Variants in KIFC3 observed in about 807,000 individuals in gnomAD.
KIFC3 encodes kinesin family member C3.
Under a neutral mutation model 101.8 loss-of-function variants are expected in KIFC3, and 60 were observed. That is an observed-to-expected ratio of 0.59 (90% confidence interval 0.48 to 0.73). The LOEUF (loss-of-function observed/expected upper bound fraction) is 0.73. Ranked by LOEUF, KIFC3 falls within the 30% of genes least tolerant of loss-of-function variation. The pLI is 0.00. For missense variants in KIFC3, 966 were observed against 1,137.1 expected (o/e 0.85, Z 2.16); for synonymous variants, 476 against 482.7 (o/e 0.99, Z 0.18).
At chr16:57,802,944 C>CACAA (rs1555626073), upstream of KIFC3, 1 of 1,532,994 alleles carries the variant, frequency 6.5e-7, no homozygotes, top group East Asian at 2.4e-5. This position sits in a 1 kb window ranked among gnomAD's most constrained non-coding sequence, Gnocchi z 5.0. Context: ...CCAACACACA[C>CACAA]ACAAGCTCTT....
At chr16:57,857,151 C>T (rs978017405) in intron 1 of KIFC3, among the ~76,000 whole-genome samples, 6 of 152,178 alleles carry the variant, frequency 3.9e-5, no homozygotes, top group African/African-American at 1.4e-4. Context: ...CCCACTCTCC[C>T]TGTGTGCTGT....
At chr16:57,772,159 C>T in intron 4 of KIFC3, 64 bp downstream of exon 4, 1 of 1,427,706 alleles carries the variant, frequency 7.0e-7, no homozygotes, top group South Asian at 1.2e-5. Context: ...CTGCCCCTGG[C>T]AGGGCCCATC....
chr16:57,847,266 GGAA>G (rs2055948583), intron 1 of KIFC3, among the ~76,000 whole-genome samples: 1 of 72,374 alleles, frequency 1.4e-5, no homozygotes, highest in African/African-American at 8.5e-5. Context: ...AAGGAAGGAA[GGAA>G]GGGAAGGGAG....
intron 2 of KIFC3, among the ~76,000 whole-genome samples, chr16:57,795,527 C>T (rs2054219299): frequency 6.6e-6 from 1 of 152,220 alleles, no homozygotes; most frequent in Non-Finnish European, 1.5e-5. Flanking sequence ...GGCTTTATTA[C>T]CCCGGCTGCC....
rs370202997 is a variant in KIFC3 at position 57,761,139 on chromosome 16, G to A, written c.1905C>T (p.Thr635=). The change falls in exon 15 of 20, where the codon ACC becomes ACT. Residue 635 remains threonine, a synonymous_variant. Transcript: ENST00000445690. ...TGTGCTCGTTCAGGTTGGTGAACTC[G>A]GTCGTGCGATTAGTGTGGCCAAACT... ...VFEFGHTNRT[T]EFTNLNEHSS... is the part of the protein sequence containing the mutation. 4.3e-5 allele frequency: 70 copies of A among 1,613,876 alleles called. No homozygotes were observed. Among genetic ancestry groups the A allele is most frequent in the African/African-American group, 1.9e-4 (14 of 74,932 alleles).
chr16:57,820,065 C>G (rs913344459), intron 1 of KIFC3, among the ~76,000 whole-genome samples: 1 of 151,938 alleles, frequency 6.6e-6, no homozygotes, highest in East Asian at 1.9e-4. Context: ...GATGGGGTTT[C>G]ACTATGTTGG....
At chr16:57,817,361 C>T (rs1473880270) in intron 1 of KIFC3, among the ~76,000 whole-genome samples, 1 of 138,916 alleles carries the variant, frequency 7.2e-6, no homozygotes, top group African/African-American at 2.7e-5. Flanking sequence ...TCTGTCTCAA[C>T]AGAAAAAAAA....
chr16:57,769,696 G>T lies in KIFC3; in HGVS notation c.1117C>A (p.Pro373Thr), dbSNP rs781783617. The part of the protein sequence containing the change: ...GVRTNLLTLQ[P>T]ALRTLTNDYN... Reference sequence around the variant, plus strand: ...TCGTTGGTGAGGGTCCGCAGTGCCGGCTGCAAGGTCAGCAAGTTGGTCCGG... The same window carrying T: ...TCGTTGGTGAGGGTCCGCAGTGCCGTCTGCAAGGTCAGCAAGTTGGTCCGG... Residue 373 changes from proline (P) to threonine (T), a missense_variant, in exon 9 of 20, where the codon CCG becomes ACG. Coordinates refer to ENST00000445690, the MANE Select transcript of KIFC3 (RefSeq NM_001130100.2). This position sits in a 1 kb window ranked among gnomAD's most constrained non-coding sequence, Gnocchi z 4.3. The T allele has an allele frequency of 1.9e-6, 3 of 1,612,702 alleles. No homozygotes were observed. The highest frequency in any genetic ancestry group is 2.5e-6 in the Non-Finnish European group (3 of 1,179,998).
chr16:57,860,428 G>A (rs2056280144), intron 1 of KIFC3, among the ~76,000 whole-genome samples: 1 of 152,146 alleles, frequency 6.6e-6, no homozygotes, highest in Non-Finnish European at 1.5e-5. Context: ...ACTCCAGCCT[G>A]GGCAACAGGA....
chr16:57,817,776 T>C (rs2055262944), intron 1 of KIFC3, among the ~76,000 whole-genome samples: 1 of 152,192 alleles, frequency 6.6e-6, no homozygotes, highest in Non-Finnish European at 1.5e-5. Context: ...GGAACATTAT[T>C]CAACTCAATA....
At chr16:57,775,041 T>G in intron 3 of KIFC3, 1 of 1,519,842 alleles carries the variant, frequency 6.6e-7, no homozygotes, top group Non-Finnish European at 8.8e-7. Flanking sequence ...GAGAGTGGGG[T>G]TTGCCAGTGT....
chr16:57,805,656 G>A (rs952868874), upstream of KIFC3, among the ~76,000 whole-genome samples: 2 of 149,782 alleles, frequency 1.3e-5, no homozygotes, highest in Non-Finnish European at 3.0e-5. Flanking sequence ...GTGTGTTCAC[G>A]GTGGTATGCC....
chr16:57,777,577 C>T (rs4784011), intron 3 of KIFC3, among the ~76,000 whole-genome samples: 6,816 of 152,128 alleles, frequency 0.045, 284 homozygotes, highest in East Asian at 0.14. Context: ...AAAAATTAGC[C>T]GGGCCTCATG....
At chr16:57,799,541 AC>A (rs1555624812) in intron 1 of KIFC3, among the ~76,000 whole-genome samples, 1 of 152,188 alleles carries the variant, frequency 6.6e-6, no homozygotes, top group African/African-American at 2.4e-5. Context: ...AGCTGCACCC[AC>A]ACTAAGAACT....
At chr16:57,832,303 G>A (rs974167357) in intron 1 of KIFC3, among the ~76,000 whole-genome samples, 3 of 141,686 alleles carry the variant, frequency 2.1e-5, no homozygotes, top group Non-Finnish European at 3.0e-5. Context: ...TTACAGCCAT[G>A]AGCCACGGCG....
At chr16:57,771,099 C>A (rs2051125821) in intron 6 of KIFC3, 99 bp downstream of exon 6, 1 of 1,435,764 alleles carries the variant, frequency 7.0e-7, no homozygotes, top group Admixed American at 1.8e-5. Flanking sequence ...CCCACACACA[C>A]CTACCTATTC....
At chr16:57,858,425 T>A (rs1323557157) in intron 1 of KIFC3, among the ~76,000 whole-genome samples, 2 of 152,168 alleles carry the variant, frequency 1.3e-5, no homozygotes, top group Admixed American at 1.3e-4. Flanking sequence ...TTTTCCTTCC[T>A]GTCTCATTTC....
intron 4 of KIFC3, among the ~76,000 whole-genome samples, 194 bp downstream of exon 4, chr16:57,772,029 A>T (rs1399800924): frequency 6.6e-6 from 1 of 152,080 alleles, no homozygotes; most frequent in African/African-American, 2.4e-5. Context: ...ACAGAGAAGG[A>T]ACCTCCCACC....
chr16:57,772,502 T>G (rs2051385385), intron 3 of KIFC3: 1 of 514,622 alleles, frequency 1.9e-6, no homozygotes, highest in African/African-American at 1.9e-5. Context: ...ACCCTCTCCC[T>G]CCACAGGACA....
Sources: gnomAD v4.1 joint callset for allele counts (sites outside exome capture counted in the v4.1 genomes callset) on GRCh38, gnomAD v4.1.1 for gene constraint, Gnocchi (gnomAD v3.1) non-coding constraint, MANE v1.5 for transcripts, NCBI Gene and HGNC (gene_info 2026-07-23, HGNC 2026-07-21) for gene names.